Variants in AKAP6 observed in about 807,000 individuals in gnomAD.
The protein encoded by AKAP6 is A-kinase anchoring protein 6.
A neutral mutation model predicts 188.5 loss-of-function variants in AKAP6; 58 were observed. That is an observed-to-expected ratio of 0.31 (90% confidence interval 0.25 to 0.38). The LOEUF (loss-of-function observed/expected upper bound fraction) is 0.38. AKAP6 is among the 10% of genes least tolerant of loss of function. AKAP6 has a pLI of 1.00. For synonymous variants in AKAP6, 989 were observed against 998.6 expected (o/e 0.99, Z 0.18); for missense variants, 2,710 against 2,740.0 (o/e 0.99, Z 0.24).
At chr14:32,350,659 C>T (rs1594528486) in intron 1 of AKAP6, among the ~76,000 whole-genome samples, 1 of 152,070 alleles carries the variant, frequency 6.6e-6, no homozygotes, top group Non-Finnish European at 1.5e-5. Flanking sequence ...GAGATGTTAA[C>T]AATGGAGGAA....
At chr14:32,508,828 C>T (rs1881004041) in intron 2 of AKAP6, among the ~76,000 whole-genome samples, 2 of 149,302 alleles carry the variant, frequency 1.3e-5, no homozygotes, top group Non-Finnish European at 3.0e-5. Context: ...TATTGAGTAC[C>T]TACTTTTTTT....
intron 6 of AKAP6, among the ~76,000 whole-genome samples, 174 bp downstream of exon 6, chr14:32,599,680 A>C (rs1885843811): frequency 6.6e-6 from 1 of 152,204 alleles, no homozygotes; most frequent in Non-Finnish European, 1.5e-5. Flanking sequence ...ATGCTGTGAT[A>C]CTTATAAGAT....
chr14:32,594,747 C>T (rs1338260991), intron 5 of AKAP6, among the ~76,000 whole-genome samples: 3 of 152,188 alleles, frequency 2.0e-5, no homozygotes, highest in Non-Finnish European at 4.4e-5. Flanking sequence ...CACATTCTTC[C>T]TCCTGCCCTT....
chr14:32,675,039 T>A (rs1307127025), intron 7 of AKAP6, among the ~76,000 whole-genome samples: 1 of 152,176 alleles, frequency 6.6e-6, no homozygotes, highest in East Asian at 1.9e-4. Flanking sequence ...GTCAGCTCTC[T>A]CCCATGGCAT....
intron 5 of AKAP6, among the ~76,000 whole-genome samples, chr14:32,596,632 G>A (rs560523599): frequency 2.0e-5 from 3 of 152,236 alleles, no homozygotes; most frequent in South Asian, 2.1e-4. Context: ...ACCATGGTAC[G>A]TGCCTATGGC....
At chr14:32,447,407 G>C (rs10139831) in intron 2 of AKAP6, among the ~76,000 whole-genome samples, 43,612 of 152,008 alleles carry the variant, frequency 0.29, 11,167 homozygotes, top group African/African-American at 0.69. Context: ...AGTGGCATTG[G>C]CGTACTAAAA....
chr14:32,615,591 C>CTTTT (rs779867395), intron 7 of AKAP6, among the ~76,000 whole-genome samples: 17 of 115,302 alleles, frequency 1.5e-4, no homozygotes, highest in Non-Finnish European at 1.9e-4. Flanking sequence ...TAAACCATTA[C>CTTTT]TTTTTTTTTT....
At chr14:32,578,915 A>G (rs1270433951) in intron 5 of AKAP6, among the ~76,000 whole-genome samples, 1 of 151,990 alleles carries the variant, frequency 6.6e-6, no homozygotes, top group Non-Finnish European at 1.5e-5. Flanking sequence ...CTTACTTGGC[A>G]TCCTTATGTT....
At chr14:32,730,649 A>G (rs2139823790) in intron 9 of AKAP6, among the ~76,000 whole-genome samples, 1 of 152,282 alleles carries the variant, frequency 6.6e-6, no homozygotes, top group South Asian at 2.1e-4. Flanking sequence ...TCTGTCAATG[A>G]GTAATACCAT....
At chr14:32,713,335 A>T (rs1355632135) in intron 9 of AKAP6, among the ~76,000 whole-genome samples, 1 of 152,028 alleles carries the variant, frequency 6.6e-6, no homozygotes, top group Non-Finnish European at 1.5e-5. Flanking sequence ...AGGATAGGAA[A>T]TGAGCACTGG....
chr14:32,649,903 T>G (rs749559959), intron 7 of AKAP6, among the ~76,000 whole-genome samples: 11 of 152,160 alleles, frequency 7.2e-5, no homozygotes, highest in Non-Finnish European at 1.5e-4. Flanking sequence ...TAGAGGAAAG[T>G]TCCTTTTCTT....
intron 2 of AKAP6, among the ~76,000 whole-genome samples, chr14:32,483,305 G>A (rs959443947): frequency 1.3e-5 from 2 of 151,918 alleles, no homozygotes; most frequent in Admixed American, 6.6e-5. Context: ...TGTGAACTTT[G>A]TCCAGTCTTT....
intron 4 of AKAP6, among the ~76,000 whole-genome samples, 174 bp from the exon 5 acceptor site, chr14:32,576,946 G>C (rs1306453379): frequency 6.6e-6 from 1 of 152,108 alleles, no homozygotes; most frequent in Non-Finnish European, 1.5e-5. Flanking sequence ...TAAGAGTTCA[G>C]GTCCAGGAAT....
Position 32,346,967 on chromosome 14 carries a change from C to A in AKAP6, c.-35+17559C>A, listed in dbSNP as rs2138431125. ...GAATTCAAGCCTTAGACCAAAATAT[C>A]ATATAGAGATATTTATTAGACTAGC... On this transcript the variant is annotated intron_variant, in intron 1 of 13. Transcript: ENST00000280979. Among the ~76,000 whole-genome samples the A allele has an allele frequency of 1.3e-5, 2 of 152,306 alleles. 1 individual carries two copies. The highest frequency in any genetic ancestry group is 4.1e-4 in the South Asian group (2 of 4,828).
intron 13 of AKAP6, among the ~76,000 whole-genome samples, chr14:32,827,554 C>G (rs918975112): frequency 1.8e-4 from 27 of 152,146 alleles, no homozygotes; most frequent in Non-Finnish European, 3.8e-4. Context: ...TAACAGTATG[C>G]ATTTGCACTG....
At chr14:32,619,504 A>G (rs560093944) in intron 7 of AKAP6, among the ~76,000 whole-genome samples, 1 of 152,054 alleles carries the variant, frequency 6.6e-6, no homozygotes, top group South Asian at 2.1e-4. Context: ...TTATTTCTGG[A>G]TTCTCTATTC....
intron 5 of AKAP6, among the ~76,000 whole-genome samples, chr14:32,588,808 C>T (rs1885359665): frequency 6.6e-6 from 1 of 152,084 alleles, no homozygotes; most frequent in African/African-American, 2.4e-5. Context: ...AAGATATATG[C>T]ATGCATTTAT....
intron 7 of AKAP6, among the ~76,000 whole-genome samples, chr14:32,655,958 T>G (rs1455412437): frequency 6.6e-6 from 1 of 152,114 alleles, no homozygotes; most frequent in Non-Finnish European, 1.5e-5. Context: ...CTGTCTCTCT[T>G]AAGATAAATC....
At chr14:32,607,498 C>A (rs1163053759) in intron 7 of AKAP6, among the ~76,000 whole-genome samples, 2 of 152,138 alleles carry the variant, frequency 1.3e-5, no homozygotes, top group African/African-American at 4.8e-5. Flanking sequence ...CAGGCCAAGG[C>A]CTGGCCATTA....
Sources: gnomAD v4.1 joint callset for allele counts (sites outside exome capture counted in the v4.1 genomes callset) on GRCh38, gnomAD v4.1.1 for gene constraint, MANE v1.5 for transcripts, NCBI Gene and HGNC (gene_info 2026-07-23, HGNC 2026-07-21) for gene names.